The following P2RY14 variants were observed in gnomAD, a reference collection of about 807,000 sequenced individuals.
P2RY14 encodes the protein P2Y purinoceptor 14.
A neutral mutation model predicts 0.9 loss-of-function variants in P2RY14; 2 were observed. The observed-to-expected ratio is 2.16, with a 90% confidence interval of 0.88 to 6.79. P2RY14 has a LOEUF of 6.79. Ranked by LOEUF, P2RY14 falls within the 30% of genes most tolerant of loss-of-function variation. The pLI is 0.05. For synonymous variants in P2RY14, 158 were observed against 147.2 expected, an observed-to-expected ratio of 1.07 and a Z score of -0.53; for missense variants, 378 against 400.1, an observed-to-expected ratio of 0.94 and a Z score of 0.47.
At chr3:151,253,659 G>A (rs996308005) in intron 1 of P2RY14, among the ~76,000 whole-genome samples, 2 of 152,078 alleles carry the variant, frequency 1.3e-5, no homozygotes, top group African/African-American at 4.8e-5. Context: ...TTTTTTGTGA[G>A]GGGGTGGGTG....
At chr3:151,277,684 CTA>C (rs1742122223) in intron 1 of P2RY14, among the ~76,000 whole-genome samples, 1 of 152,088 alleles carries the variant, frequency 6.6e-6, no homozygotes, top group Non-Finnish European at 1.5e-5. Flanking sequence ...TAGTCATAGA[CTA>C]TAAATAAGTA....
At chr3:151,257,112 T>C (rs1393870971) in intron 1 of P2RY14, among the ~76,000 whole-genome samples, 1 of 152,206 alleles carries the variant, frequency 6.6e-6, no homozygotes, top group Non-Finnish European at 1.5e-5. Context: ...ATGAGAGATT[T>C]TAGACATTTT....
intron 1 of P2RY14, among the ~76,000 whole-genome samples, chr3:151,224,580 C>T (rs1315743833): frequency 1.3e-5 from 2 of 152,120 alleles, no homozygotes; most frequent in African/African-American, 4.8e-5. Context: ...CTGTGTTCTG[C>T]ATTCCTGTGG....
intron 1 of P2RY14, among the ~76,000 whole-genome samples, chr3:151,247,905 A>G (rs1335713180): frequency 6.6e-6 from 1 of 151,392 alleles, no homozygotes; most frequent in East Asian, 1.9e-4. Flanking sequence ...TGTATTCAGA[A>G]GACAGGGCTC....
rs1312534817 is a variant in P2RY14, at chr3:151,245,474, T to A, written c.-132-25832A>T. Among the ~76,000 whole-genome samples, 7 of 138,582 alleles carry A rather than the reference T, an allele frequency of 5.1e-5. No individual in the cohort carries two copies. In the Admixed American group the frequency reaches 5.2e-4, roughly 10 times the overall value. 90.9% of individuals were successfully genotyped at this position (138,582 alleles called of 152,430 possible). ...GCAAGGCTGGTTCAATATACACAAA[T>A]CAATAAATGTAATCCAGCATATAAA... is the stretch of plus-strand genomic sequence containing the variant. On this transcript the variant is annotated intron_variant, in intron 1 of 2. Coordinates refer to ENST00000309170, the MANE Select transcript of P2RY14 (RefSeq NM_014879.4).
intron 2 of P2RY14, among the ~76,000 whole-genome samples, chr3:151,218,485 AC>A (rs1728664691): frequency 6.6e-6 from 1 of 152,152 alleles, no homozygotes; most frequent in Non-Finnish European, 1.5e-5. Flanking sequence ...CATTATGTTA[AC>A]CTTGAGGCTT....
intron 1 of P2RY14, among the ~76,000 whole-genome samples, chr3:151,251,341 G>A (rs147142402): frequency 2.1e-3 from 325 of 151,630 alleles, no homozygotes; most frequent in Non-Finnish European, 4.1e-3. Context: ...TAAACACTCT[G>A]TCTCATCCAT....
chr3:151,213,456 A>C lies in P2RY14; in HGVS notation c.861T>G (p.Asn287Lys). Reference protein sequence around the residue: ...KEFTLLLSAANVCLDPIIYFF... With the variant: ...KEFTLLLSAAKVCLDPIIYFF... ...AATAAATAATAGGGTCCAAGCATAC[A>C]TTTGCAGCAGATAGTAGCAGAGTGA... The change falls in exon 3 of 3, where the codon AAT becomes AAG. Residue 287 changes from asparagine (N) to lysine (K), a missense_variant. Physicochemically the swap from Asn to Lys is moderately conservative, Grantham distance 94 (BLOSUM62 0). Coordinates refer to ENST00000309170, the MANE Select transcript of P2RY14 (RefSeq NM_014879.4). 1 of 1,614,222 alleles carries C rather than the reference A, an allele frequency of 6.2e-7. No homozygotes were observed. The highest frequency in any genetic ancestry group is 8.5e-7 in the Non-Finnish European group (1 of 1,180,034).
At chr3:151,255,713 T>C (rs543760565) in intron 1 of P2RY14, among the ~76,000 whole-genome samples, 4 of 152,330 alleles carry the variant, frequency 2.6e-5, no homozygotes, top group Admixed American at 2.0e-4. Context: ...CGAACTTGTT[T>C]ACTCCAGCAT....
intron 1 of P2RY14, among the ~76,000 whole-genome samples, chr3:151,245,450 C>G (rs1353835469): frequency 7.0e-6 from 1 of 143,492 alleles, no homozygotes; most frequent in African/African-American, 2.6e-5. Flanking sequence ...CCCTGGGATG[C>G]AAGGCTGGTT....
rs73157936 is a variant in P2RY14, at chr3:151,235,425, G to A, written c.-132-15783C>T. On this transcript the variant is annotated intron_variant, in intron 1 of 2. Coordinates refer to ENST00000309170, the MANE Select transcript of P2RY14 (RefSeq NM_014879.4). ...TGAAAAGATCTAAAAGCAACTCATGGCCTGGCATGGTGGCTCATGCTTGTA... is the reference window on the plus strand; with the variant it reads ...TGAAAAGATCTAAAAGCAACTCATGACCTGGCATGGTGGCTCATGCTTGTA... Among the ~76,000 whole-genome samples the A allele has an allele frequency of 9.0e-3, 1,376 of 152,264 alleles. 13 individuals are homozygous for A. The highest frequency in any genetic ancestry group is 0.014 in the Non-Finnish European group (936 of 68,030).
intron 2 of P2RY14, among the ~76,000 whole-genome samples, chr3:151,218,903 G>A (rs1439435467): frequency 3.3e-5 from 5 of 149,876 alleles, no homozygotes; most frequent in Non-Finnish European, 7.4e-5. Flanking sequence ...AAAAAGAGGG[G>A]GGGTATACTG....
intron 1 of P2RY14, among the ~76,000 whole-genome samples, chr3:151,264,018 C>T (rs866951012): frequency 2.8e-4 from 42 of 152,226 alleles, no homozygotes; most frequent in African/African-American, 9.6e-4. Flanking sequence ...AACAGTATAT[C>T]ATGGTGACTT....
At position 151,213,360 on chromosome 3, in the gene P2RY14, G is replaced by A; in HGVS notation, c.957C>T (p.Asp319=). 3 of 1,613,760 alleles carry A rather than the reference G, an allele frequency of 1.9e-6. No individual in the cohort carries two copies. The highest frequency in any genetic ancestry group is 1.7e-4 in the Middle Eastern group (1 of 6,060). Residue 319 remains aspartate (D), a synonymous_variant, in exon 3 of 3, where the codon GAC becomes GAT. Coordinates refer to ENST00000309170, the MANE Select transcript of P2RY14 (RefSeq NM_014879.4). ...KLHIPLKAQN[D]LDISRIKRGN... is the part of the protein sequence containing the mutation. Reference sequence around the variant, plus strand: ...CTCTTTTGATTCTGGAAATGTCTAGGTCATTCTGAGCTTTTAATGGAATGT... The same window carrying A: ...CTCTTTTGATTCTGGAAATGTCTAGATCATTCTGAGCTTTTAATGGAATGT...
At chr3:151,247,962 C>CTTTTTTTTTTTTTTTTT (rs61102632) in intron 1 of P2RY14, among the ~76,000 whole-genome samples, 27 of 75,898 alleles carry the variant, frequency 3.6e-4, no homozygotes, top group East Asian at 1.1e-3. Context: ...TCTTCTTCTT[C>CTTTTTTTTTTTTTTTTT]TTTTTTTTTT....
intron 1 of P2RY14, among the ~76,000 whole-genome samples, chr3:151,270,343 G>A (rs1740702266): frequency 6.6e-6 from 1 of 151,672 alleles, no homozygotes; most frequent in African/African-American, 2.4e-5. Context: ...GAATACAATG[G>A]GAAAAGGATC....
intron 1 of P2RY14, among the ~76,000 whole-genome samples, chr3:151,222,237 C>A (rs1337444525): frequency 6.6e-6 from 1 of 152,172 alleles, no homozygotes; most frequent in East Asian, 1.9e-4. Flanking sequence ...GCGGAAGGGA[C>A]TTGCCTTGTC....
intron 1 of P2RY14, among the ~76,000 whole-genome samples, chr3:151,223,052 G>A (rs554414191): frequency 6.6e-6 from 1 of 151,882 alleles, no homozygotes; most frequent in East Asian, 1.9e-4. Context: ...ATTCTCTTTG[G>A]AAAGAAAGAG....
At chr3:151,268,856 T>C (rs1422466121) in intron 1 of P2RY14, among the ~76,000 whole-genome samples, 1 of 152,190 alleles carries the variant, frequency 6.6e-6, no homozygotes, top group Non-Finnish European at 1.5e-5. Context: ...GAGGAAAATG[T>C]AAAATACCTT....
Sources: allele counts gnomAD v4.1 joint callset (sites outside exome capture counted in the v4.1 genomes callset), GRCh38; gene constraint gnomAD v4.1.1; transcripts MANE v1.5; gene names NCBI Gene and HGNC (gene_info 2026-07-23, HGNC 2026-07-21).